Variants in GRK3 observed in about 807,000 individuals in gnomAD.
GRK3 encodes G protein-coupled receptor kinase 3.
GRK3 carries 54 observed loss-of-function variants against 95.7 expected under a neutral mutation model. The ratio of observed to expected loss-of-function variants is 0.56; its 90% CI spans 0.45 to 0.71. The LOEUF is 0.71. GRK3 is among the 30% of genes least tolerant of loss of function. GRK3 has a pLI of 0.00. For synonymous variants in GRK3, 281 were observed against 290.8 expected (o/e 0.97, Z 0.34); for missense variants, 649 against 851.2 (o/e 0.76, Z 2.96).
At chr22:25,580,619 C>T (rs140400703) in intron 1 of GRK3, 3,224 of 152,322 alleles carry the variant, frequency 0.021, 127 homozygotes, top group East Asian at 0.14. Context: ...CTGCAACCTC[C>T]GCCTCCTGAG....
chr22:25,645,213 C>T (rs2084772051), intron 3 of GRK3, among the ~76,000 whole-genome samples: 1 of 152,168 alleles, frequency 6.6e-6, no homozygotes, highest in South Asian at 2.1e-4. Context: ...AAATCTCCTA[C>T]AGCCTTACAG....
rs1246219563 is a variant in GRK3 at position 25,728,730 on chromosome 22, CA to C, written c.*6284del. The C allele has an allele frequency of 6.6e-6, 1 of 152,154 alleles. No homozygotes were observed. Among genetic ancestry groups the C allele is most frequent in the Non-Finnish European group, 1.5e-5 (1 of 68,018 alleles). The allele number at this position is 152,154 out of a possible 1,614,324, so 9.4% of individuals were successfully genotyped here. On this transcript the variant is annotated 3_prime_UTR_variant, in exon 21 of 21. Transcript: ENST00000324198. Reference sequence around the variant, plus strand: ...TGACTTTTTCCCCCCTTCACTATTTCAAAATGGTTTTGAAATGGGGTCTTAA... The same window carrying C: ...TGACTTTTTCCCCCCTTCACTATTTCAAATGGTTTTGAAATGGGGTCTTAA...
Position 25,647,182 on chromosome 22 carries a change from T to TTGGCCCCCCCCCC in GRK3, c.264+2517_264+2518insTGGCCCCCCCCCC. ...GAAGGAGAGGGCCCCGGGCCTCACCTCCACCCACCGCCCCCTCCCACCACC... is the reference window on the plus strand; with the variant it reads ...GAAGGAGAGGGCCCCGGGCCTCACCTTGGCCCCCCCCCCCCACCCACCGCCCCCTCCCACCACC... On this transcript the variant is annotated intron_variant, in intron 3 of 20. Transcript: ENST00000324198. 2 of 123,988 alleles carry TTGGCCCCCCCCCC rather than the reference T, an allele frequency of 1.6e-5. 1 individual carries two copies. Among genetic ancestry groups the TTGGCCCCCCCCCC allele is most frequent in the East Asian group, 4.9e-4 (2 of 4,092 alleles). 7.7% of individuals were successfully genotyped at this position (123,988 alleles called of 1,614,324 possible).
At chr22:25,626,910 C>T (rs2084632453) in intron 2 of GRK3, among the ~76,000 whole-genome samples, 1 of 152,182 alleles carries the variant, frequency 6.6e-6, no homozygotes, top group Non-Finnish European at 1.5e-5. Flanking sequence ...ATAACATCTT[C>T]ACATTCTAAT....
intron 3 of GRK3, among the ~76,000 whole-genome samples, chr22:25,650,494 A>C (rs1400310100): frequency 6.6e-6 from 1 of 152,218 alleles, no homozygotes; most frequent in African/African-American, 2.4e-5. Context: ...GATGGGTGCC[A>C]CAAATAGAAA....
intron 1 of GRK3, among the ~76,000 whole-genome samples, chr22:25,586,230 C>T (rs1368520722): frequency 1.3e-5 from 2 of 152,384 alleles, no homozygotes; most frequent in South Asian, 2.1e-4. Context: ...GCTGATGTCT[C>T]TTCAAGGGTG....
At chr22:25,572,014 C>G (rs951805977) in intron 1 of GRK3, among the ~76,000 whole-genome samples, 1 of 151,870 alleles carries the variant, frequency 6.6e-6, no homozygotes, top group Non-Finnish European at 1.5e-5. Context: ...CCCTTCCCCC[C>G]GCCCCATGAT....
intron 2 of GRK3, among the ~76,000 whole-genome samples, chr22:25,618,825 C>T (rs537488263): frequency 5.3e-5 from 8 of 151,968 alleles, no homozygotes; most frequent in Non-Finnish European, 8.8e-5. Flanking sequence ...TCCCTCCTAG[C>T]GCTGCAGTTC....
At chr22:25,684,074 C>T (rs1394733661) in intron 9 of GRK3, among the ~76,000 whole-genome samples, 1 of 152,180 alleles carries the variant, frequency 6.6e-6, no homozygotes, top group Non-Finnish European at 1.5e-5. Flanking sequence ...TTTTATTGTA[C>T]AGATATTCAG....
intron 10 of GRK3, among the ~76,000 whole-genome samples, chr22:25,685,500 AC>A (rs1316918545): frequency 1.4e-4 from 22 of 152,232 alleles, no homozygotes; most frequent in African/African-American, 5.3e-4. Context: ...TGAAATACTT[AC>A]AGTGAAACTT....
intron 2 of GRK3, among the ~76,000 whole-genome samples, chr22:25,617,878 G>A (rs1346236375): frequency 6.6e-6 from 1 of 152,140 alleles, no homozygotes; most frequent in African/African-American, 2.4e-5. Context: ...CTGGGTTCAA[G>A]CGATTCTCGT....
chr22:25,657,315 ATGTC>A lies in GRK3; in HGVS notation c.265-4257_265-4254del, dbSNP rs987175485. 2.0e-5 allele frequency among the ~76,000 whole-genome samples: 3 copies of A among 152,294 alleles called. No individual in the cohort carries two copies. In the East Asian group the frequency reaches 5.8e-4, roughly 29 times the overall value. On this transcript the variant is annotated intron_variant, in intron 3 of 20. Coordinates refer to ENST00000324198, the MANE Select transcript of GRK3 (RefSeq NM_005160.4). ...TAAAATTTTCAACTATGATTGTAGAATGTCTGTTTCTTCTTTTATTTTGTCCATT... is the reference window on the plus strand; with the variant it reads ...TAAAATTTTCAACTATGATTGTAGAATGTTTCTTCTTTTATTTTGTCCATT...
intron 9 of GRK3, among the ~76,000 whole-genome samples, chr22:25,682,008 C>G (rs908530805): frequency 6.6e-6 from 1 of 152,074 alleles, no homozygotes; most frequent in Non-Finnish European, 1.5e-5. Context: ...TGTTCAGCAC[C>G]CCGAGAGGTG....
chr22:25,631,052 T>G, intron 2 of GRK3, among the ~76,000 whole-genome samples: 1 of 151,742 alleles, frequency 6.6e-6, no homozygotes. Context: ...TTGATTTATG[T>G]TTATTTGCTC....
intron 4 of GRK3, among the ~76,000 whole-genome samples, chr22:25,663,070 C>T (rs2084919821): frequency 6.6e-6 from 1 of 152,112 alleles, no homozygotes; most frequent in Non-Finnish European, 1.5e-5. Flanking sequence ...TATCTTTTTA[C>T]AACCCCATTA....
chr22:25,673,067 CTT>C (rs1192455904), intron 7 of GRK3, among the ~76,000 whole-genome samples: 1 of 82,212 alleles, frequency 1.2e-5, no homozygotes. Context: ...GGAAGAGGGG[CTT>C]TTTTTTTTTT....
At chr22:25,597,162 G>A (rs2084378106) in intron 1 of GRK3, among the ~76,000 whole-genome samples, 1 of 152,010 alleles carries the variant, frequency 6.6e-6, no homozygotes, top group Non-Finnish European at 1.5e-5. Context: ...GAAAGTTGTG[G>A]GACAATATCA....
chr22:25,612,576 A>G (rs1347988716), intron 2 of GRK3, among the ~76,000 whole-genome samples: 1 of 152,004 alleles, frequency 6.6e-6, no homozygotes, highest in Non-Finnish European at 1.5e-5. Flanking sequence ...TATCTGAATA[A>G]AAAGAGTTTT....
intron 18 of GRK3, among the ~76,000 whole-genome samples, chr22:25,717,703 C>T (rs2085397884): frequency 6.6e-6 from 1 of 152,124 alleles, no homozygotes; most frequent in South Asian, 2.1e-4. Context: ...TCAACAATGT[C>T]TGTGAATTAT....
Sources: allele counts gnomAD v4.1 joint callset (sites outside exome capture counted in the v4.1 genomes callset), GRCh38; gene constraint gnomAD v4.1.1; transcripts MANE v1.5; gene names NCBI Gene and HGNC (gene_info 2026-07-23, HGNC 2026-07-21).